MOV10L1: variants seen among roughly 807,000 people sequenced by gnomAD.
MOV10L1 encodes the protein Mov10 like RNA helicase 1.
In MOV10L1, 110 loss-of-function variants were observed where a neutral mutation model predicts 143.8. The ratio of observed to expected loss-of-function variants is 0.76; its 90% CI spans 0.66 to 0.90. The LOEUF (loss-of-function observed/expected upper bound fraction) is 0.90. Among genes scored for constraint, MOV10L1 ranks in the 40% least tolerant of loss-of-function variants. The probability of loss-of-function intolerance (pLI) is 0.00; values close to 1 mark genes in which losing one functional copy is unlikely to be tolerated. For missense variants in MOV10L1, 1,406 were observed against 1,526.8 expected (o/e 0.92, Z 1.32); for synonymous variants, 593 against 581.1 (o/e 1.02, Z -0.29).
chr22:50,092,147 G>GA lies in MOV10L1; in HGVS notation c.246dup (p.Glu83ArgfsTer3). 6.2e-7 allele frequency: 1 copy of GA among 1,614,198 alleles called. No individual in the cohort carries two copies. Among genetic ancestry groups the GA allele is most frequent in the Non-Finnish European group, 8.5e-7 (1 of 1,180,026 alleles). ...TGGACAGGAAGTGATTGCAGTTGTG[G>GA]AAGAAAATAAAGTGTCCAATGGACT... On this transcript the variant is annotated frameshift_variant, in exon 2 of 27. Coordinates refer to ENST00000262794, the MANE Select transcript of MOV10L1 (RefSeq NM_018995.3). LOFTEE classifies it high-confidence loss of function.
chr22:50,108,337 G>A (rs1366719518), intron 4 of MOV10L1, 89 bp downstream of exon 4: 3 of 1,197,948 alleles, frequency 2.5e-6, no homozygotes, highest in African/African-American at 3.0e-5. Context: ...TCCTGCATGT[G>A]TTGGAAGCCT....
Position 50,159,895 on chromosome 22 carries a change from C to G in MOV10L1, c.3324+110C>G. On this transcript the variant is annotated intron_variant, in intron 24 of 26. Coordinates refer to ENST00000262794, the MANE Select transcript of MOV10L1 (RefSeq NM_018995.3). The surrounding 1 kb of genome is among the most constrained non-coding windows in gnomAD (Gnocchi z 4.1). ...GAGGCTGATTCCCAGCCCAGAGAAG[C>G]AGCTGCAGGCGGAGACTCCCTAGGT... is the stretch of plus-strand genomic sequence containing the variant. 1 of 707,382 alleles carries G rather than the reference C, an allele frequency of 1.4e-6. No individual in the cohort carries two copies. Among genetic ancestry groups the G allele is most frequent in the Admixed American group, 2.6e-5 (1 of 38,144 alleles). 43.8% of individuals were successfully genotyped at this position (707,382 alleles called of 1,614,324 possible). A position where few individuals can be genotyped will look rare whatever the true frequency, so the allele number is the denominator to read the frequency against.
At chr22:50,105,829 T>C (rs1477228457) in intron 3 of MOV10L1, among the ~76,000 whole-genome samples, 1 of 152,232 alleles carries the variant, frequency 6.6e-6, no homozygotes, top group Non-Finnish European at 1.5e-5. Flanking sequence ...TGTTTCGTTG[T>C]CATGAGCTTT....
At chr22:50,094,218 A>G (rs1045003866) in intron 2 of MOV10L1, 1 of 151,558 alleles carries the variant, frequency 6.6e-6, no homozygotes, top group African/African-American at 2.4e-5. Context: ...TCTTTTCCAT[A>G]TGTCTGTCCA....
At chr22:50,101,578 G>T (rs1033390358) in intron 3 of MOV10L1, among the ~76,000 whole-genome samples, 1 of 126,232 alleles carries the variant, frequency 7.9e-6, no homozygotes, top group African/African-American at 2.8e-5. Flanking sequence ...CGAGTGCAGT[G>T]GTGGCTCACT....
chr22:50,116,444 C>T (rs939901368), intron 8 of MOV10L1, among the ~76,000 whole-genome samples: 5 of 126,610 alleles, frequency 3.9e-5, no homozygotes, highest in African/African-American at 1.4e-4. Flanking sequence ...GAGACTCCGT[C>T]TCAAAAAAAA....
intron 3 of MOV10L1, among the ~76,000 whole-genome samples, chr22:50,105,862 GTA>G (rs1244804052): frequency 6.6e-6 from 1 of 152,190 alleles, no homozygotes; most frequent in African/African-American, 2.4e-5. Context: ...GTGCATGTAT[GTA>G]TGTCATAGAA....
intron 8 of MOV10L1, among the ~76,000 whole-genome samples, chr22:50,115,628 C>T (rs1352728870): frequency 6.6e-6 from 1 of 152,158 alleles, no homozygotes; most frequent in Non-Finnish European, 1.5e-5. Flanking sequence ...AAGCTGGGTA[C>T]CAAGTGTGAC....
intron 19 of MOV10L1, among the ~76,000 whole-genome samples, chr22:50,146,321 G>A (rs1484683632): frequency 2.0e-5 from 3 of 152,098 alleles, no homozygotes; most frequent in South Asian, 4.1e-4. Context: ...TGTCCCTGGC[G>A]CTGGGGGCTC....
chr22:50,150,279 G>C (rs2294395), intron 20 of MOV10L1, among the ~76,000 whole-genome samples: 34,801 of 152,050 alleles, frequency 0.23, 4,362 homozygotes, highest in Admixed American at 0.36. Context: ...AGGCACTGTG[G>C]GGCGGAGCAT....
At chr22:50,090,389 C>T in intron 1 of MOV10L1, 2 of 1,554,968 alleles carry the variant, frequency 1.3e-6, no homozygotes, top group African/African-American at 1.4e-5. Flanking sequence ...GGCGCCCGTC[C>T]TCTGTGAGGT....
Position 50,161,386 on chromosome 22 carries a change from A to C in MOV10L1, c.3573A>C (p.Ala1191=). ...TCTACAGCTGTGGCGAGGGGGTGGCAGACCCCTCCTACCCAGTGGTGCCAG... is the reference window on the plus strand; with the variant it reads ...TCTACAGCTGTGGCGAGGGGGTGGCCGACCCCTCCTACCCAGTGGTGCCAG... ...QSLQNCGEGV[A]DPSYPVVPES... is the part of the protein sequence containing the mutation. Residue 1191 remains alanine (A), a synonymous_variant, in exon 27 of 27, where the codon GCA becomes GCC. Coordinates refer to ENST00000262794, the MANE Select transcript of MOV10L1 (RefSeq NM_018995.3). 1 of 1,600,160 alleles carries C rather than the reference A, an allele frequency of 6.2e-7. No homozygotes were observed. Among genetic ancestry groups the C allele is most frequent in the Non-Finnish European group, 8.5e-7 (1 of 1,173,730 alleles).
chr22:50,150,918 C>T lies in MOV10L1; in HGVS notation c.2892+19C>T, dbSNP rs765642805. On this transcript the variant is annotated intron_variant, in intron 21 of 26. Transcript: ENST00000262794. ...CCTGTTGGTGAGTCACAGACTCCAG[C>T]GCGTTCAGGTCCCCAGCTAAGCAGA... 21 of 1,613,600 alleles carry T rather than the reference C, an allele frequency of 1.3e-5. No homozygotes were observed. The highest frequency in any genetic ancestry group is 1.6e-5 in the Non-Finnish European group (19 of 1,179,792).
intron 2 of MOV10L1, among the ~76,000 whole-genome samples, chr22:50,099,143 T>C (rs748445027): frequency 6.6e-6 from 1 of 152,212 alleles, no homozygotes; most frequent in Non-Finnish European, 1.5e-5. Flanking sequence ...AAAATACGTA[T>C]GTTGAAATCC....
intron 20 of MOV10L1, among the ~76,000 whole-genome samples, chr22:50,150,477 G>A (rs1347326715): frequency 1.3e-5 from 2 of 152,238 alleles, no homozygotes. Context: ...TGAGAGATTC[G>A]CAGGAGAGAA....
chr22:50,095,399 A>T (rs2062563773), intron 2 of MOV10L1: 2 of 152,110 alleles, frequency 1.3e-5, no homozygotes, highest in South Asian at 2.1e-4. Flanking sequence ...CAATTATTTA[A>T]TTATATTTTT....
Position 50,090,676 on chromosome 22 carries a change from T to TTGTGTGTGTG in MOV10L1, c.97+500_97+509dup, listed in dbSNP as rs150705221. ...TCACCGTTCCTTTCTCCTGAGGTGTTTGTGTGTGTGTGTGTGTGAGACGGA... is the reference window on the plus strand; with the variant it reads ...TCACCGTTCCTTTCTCCTGAGGTGTTTGTGTGTGTGTGTGTGTGTGTGTGTGTGAGACGGA... On this transcript the variant is annotated intron_variant, in intron 1 of 26. Coordinates refer to ENST00000262794, the MANE Select transcript of MOV10L1 (RefSeq NM_018995.3). 7 of 793,858 alleles carry TTGTGTGTGTG rather than the reference T, an allele frequency of 8.8e-6. No homozygotes were observed. The East Asian group carries it at 2.1e-4, about 24-fold the overall frequency. 49.2% of individuals were successfully genotyped at this position (793,858 alleles called of 1,614,324 possible).
At position 50,150,882 on chromosome 22, in the gene MOV10L1, G is replaced by A. The variant is rs372963947; in HGVS notation, c.2875G>A (p.Ala959Thr). The A allele has an allele frequency of 2.5e-5, 41 of 1,614,056 alleles. No individual in the cohort carries two copies. Among genetic ancestry groups the A allele is most frequent in the Admixed American group, 1.0e-4 (6 of 60,002 alleles). ...CGAAAATGCTTTCGGTGCTTGTGGC[G>A]CACATAATCCCCTGTTGGTGAGTCA... ...RDENAFGACG[A>T]HNPLLVTKLV... is the part of the protein sequence containing the mutation. The change falls in exon 21 of 27, where the codon GCA (alanine) becomes ACA (threonine). Residue 959 changes from alanine to threonine, a missense_variant. Around this residue, in one of 3 missense-constraint regions of MOV10L1, gnomAD observed 1,233 missense variants for 1,351.4 expected, o/e 0.91. Coordinates refer to ENST00000262794, the MANE Select transcript of MOV10L1 (RefSeq NM_018995.3).
In MOV10L1 at chr22:50,142,141, A is replaced by G; in HGVS notation, c.2131A>G (p.Lys711Glu). The G allele has an allele frequency of 6.2e-7, 1 of 1,613,524 alleles. No homozygotes were observed. The highest frequency in any genetic ancestry group is 1.1e-5 in the South Asian group (1 of 91,014). ...AACAGAGGAGAGGCGTGTTGGTGACAAGGACCTGCCGGTGCTGGCACCCTT... is the reference window on the plus strand; with the variant it reads ...AACAGAGGAGAGGCGTGTTGGTGACGAGGACCTGCCGGTGCTGGCACCCTT... ...HGTEERRVGD[K>E]DLPVLAPFTA... Residue 711 changes from lysine to glutamate, a missense_variant, in exon 16 of 27, where the codon AAG (lysine) becomes GAG (glutamate). By Grantham distance (56) the Lys-to-Glu change is moderately conservative. Transcript: ENST00000262794.
Sources: allele counts gnomAD v4.1 joint callset (sites outside exome capture counted in the v4.1 genomes callset), GRCh38; gene constraint gnomAD v4.1.1; regional missense constraint gnomAD v4.1.1; non-coding constraint Gnocchi (gnomAD v3.1); transcripts MANE v1.5; gene names NCBI Gene and HGNC (gene_info 2026-07-23, HGNC 2026-07-21).